Variants in FLRT2 observed in about 807,000 individuals in gnomAD.
The protein encoded by FLRT2 is leucine-rich repeat transmembrane protein FLRT2.
A neutral mutation model predicts 40.0 loss-of-function variants in FLRT2; 15 were observed. The observed-to-expected ratio is 0.38, with a 90% CI of 0.25 to 0.58. The LOEUF is 0.58. Ranked by LOEUF, FLRT2 falls within the 20% of genes least tolerant of loss-of-function variation. The pLI, the probability that FLRT2 is intolerant of heterozygous loss-of-function variation, is 0.71. For synonymous variants in FLRT2, 380 were observed against 336.8 expected, an observed-to-expected ratio of 1.13 and a Z score of -1.41; for missense variants, 726 against 840.0, an observed-to-expected ratio of 0.86 and a Z score of 1.68.
chr14:85,599,988 G>T (rs1023963365), intron 1 of FLRT2, among the ~76,000 whole-genome samples: 17 of 152,200 alleles, frequency 1.1e-4, no homozygotes, highest in African/African-American at 4.1e-4. Context: ...GATACCTTCA[G>T]AATATCATCT....
At chr14:85,604,497 T>A (rs1892522305) in intron 1 of FLRT2, among the ~76,000 whole-genome samples, 1 of 152,146 alleles carries the variant, frequency 6.6e-6, no homozygotes, top group South Asian at 2.1e-4. Context: ...ACAGTAGTAT[T>A]GTTCACTTTA....
In FLRT2 at chr14:85,649,359, A is replaced by G. The variant is rs1364530596; in HGVS notation, c.*25862A>G. On this transcript the variant is annotated 3_prime_UTR_variant, in exon 2 of 2. Transcript: ENST00000330753. ...GATGCTGTAACTCTTATTTGCATCC[A>G]TTGGTCTTTTGGTTTATGTGCTTTA... 6.6e-6 allele frequency: 1 copy of G among 152,124 alleles called. No individual in the cohort carries two copies. Among genetic ancestry groups the G allele is most frequent in the African/African-American group, 2.4e-5 (1 of 41,448 alleles). 9.4% of individuals were successfully genotyped at this position (152,124 alleles called of 1,614,324 possible). A position where few individuals can be genotyped will look rare whatever the true frequency, so the allele number is the denominator to read the frequency against.
At chr14:85,557,236 A>C (rs941402507) in intron 1 of FLRT2, among the ~76,000 whole-genome samples, 1 of 148,682 alleles carries the variant, frequency 6.7e-6, no homozygotes, top group African/African-American at 2.5e-5. Flanking sequence ...CTTAAAAAAC[A>C]TGACTAATTT....
intron 1 of FLRT2, among the ~76,000 whole-genome samples, chr14:85,598,089 C>T (rs1251772569): frequency 2.0e-5 from 3 of 152,204 alleles, no homozygotes; most frequent in Non-Finnish European, 4.4e-5. Context: ...CTAGTCACTT[C>T]ATATAGACAC....
chr14:85,641,563 C>G lies in FLRT2; in HGVS notation c.*18066C>G, dbSNP rs1049687913. On this transcript the variant is annotated 3_prime_UTR_variant, in exon 2 of 2. Coordinates refer to ENST00000330753, the MANE Select transcript of FLRT2 (RefSeq NM_013231.6). Reference sequence around the variant, plus strand: ...AGGACTACAGTAGTACGTCCTTGGACGCAACAGTTTAAGAGGTAGTTCCTG... The same window carrying G: ...AGGACTACAGTAGTACGTCCTTGGAGGCAACAGTTTAAGAGGTAGTTCCTG... 1 of 152,200 alleles carries G rather than the reference C, an allele frequency of 6.6e-6. No homozygotes were observed. Among genetic ancestry groups the G allele is most frequent in the East Asian group, 1.9e-4 (1 of 5,184 alleles). 9.4% of individuals were successfully genotyped at this position (152,200 alleles called of 1,614,324 possible). A position where few individuals can be genotyped will look rare whatever the true frequency, so the allele number is the denominator to read the frequency against.
intron 1 of FLRT2, among the ~76,000 whole-genome samples, chr14:85,600,072 G>A (rs1157497331): frequency 2.6e-5 from 4 of 152,160 alleles, no homozygotes; most frequent in Non-Finnish European, 5.9e-5. Flanking sequence ...CATTTATGGG[G>A]GTAGCTATAA....
chr14:85,617,304 A>G (rs1595090987), intron 1 of FLRT2, among the ~76,000 whole-genome samples: 3 of 152,234 alleles, frequency 2.0e-5, no homozygotes, highest in African/African-American at 7.2e-5. Flanking sequence ...AATCAGCATT[A>G]TTATGTTCTT....
Position 85,610,613 on chromosome 14 carries a change from G to C in FLRT2, c.-376-10526G>C, listed in dbSNP as rs73321556. 7.0e-3 allele frequency among the ~76,000 whole-genome samples: 1,068 copies of C among 152,242 alleles called. 15 individuals are homozygous for C. Among genetic ancestry groups the C allele is most frequent in the African/African-American group, 0.023 (973 of 41,542 alleles). Reference sequence around the variant, plus strand: ...CACACCAGTCTTTCAGTTCCTGCCAGAGCTAAGGCTCTCCCTTCCTTGTAT... The same window carrying C: ...CACACCAGTCTTTCAGTTCCTGCCACAGCTAAGGCTCTCCCTTCCTTGTAT... On this transcript the variant is annotated intron_variant, in intron 1 of 1. Transcript: ENST00000330753.
intron 1 of FLRT2, among the ~76,000 whole-genome samples, chr14:85,561,542 C>T (rs1256406359): frequency 6.6e-6 from 1 of 152,112 alleles, no homozygotes; most frequent in Non-Finnish European, 1.5e-5. Flanking sequence ...ATGAATTGTA[C>T]AGAACGAATG....
chr14:85,533,469 T>G (rs1483575378), intron 1 of FLRT2, among the ~76,000 whole-genome samples: 4 of 151,560 alleles, frequency 2.6e-5, no homozygotes, highest in African/African-American at 9.7e-5. Context: ...CACACACGCG[T>G]CGGAGGAGAG....
chr14:85,535,892 G>GTTTTTTTTT (rs71454768), intron 1 of FLRT2, among the ~76,000 whole-genome samples: 14 of 57,854 alleles, frequency 2.4e-4, no homozygotes, highest in East Asian at 1.3e-3. Context: ...AAGGAATGCT[G>GTTTTTTTTT]TTTTTTTTTT....
intron 1 of FLRT2, among the ~76,000 whole-genome samples, chr14:85,602,529 C>T (rs1052663240): frequency 6.6e-6 from 1 of 152,170 alleles, no homozygotes; most frequent in African/African-American, 2.4e-5. Context: ...TTGTTCAAAG[C>T]CAAGTGTGAG....
intron 1 of FLRT2, among the ~76,000 whole-genome samples, chr14:85,607,518 G>T (rs1402167662): frequency 6.6e-6 from 1 of 152,192 alleles, no homozygotes; most frequent in Non-Finnish European, 1.5e-5. Flanking sequence ...CTAGGGGTGG[G>T]ATCACAGCAC....
In FLRT2 at chr14:85,640,975, A is replaced by T. The variant is rs993581170; in HGVS notation, c.*17478A>T. ...CTTAAACTGTAGCCATAATTTCCTC[A>T]TAGATTTGGTATGAGTTAAAATGCA... is the stretch of plus-strand genomic sequence containing the variant. On this transcript the variant is annotated 3_prime_UTR_variant, in exon 2 of 2. Transcript: ENST00000330753. 5.9e-5 allele frequency: 9 copies of T among 152,150 alleles called. No homozygotes were observed. The highest frequency in any genetic ancestry group is 8.8e-5 in the Non-Finnish European group (6 of 68,026). The allele number at this position is 152,150 out of a possible 1,614,324, so 9.4% of individuals were successfully genotyped here.
rs1894167489 is a variant in FLRT2 at position 85,642,254 on chromosome 14, TTGAG to T, written c.*18762_*18765del. The T allele has an allele frequency of 6.6e-6, 1 of 152,062 alleles. No homozygotes were observed. Among genetic ancestry groups the T allele is most frequent in the Non-Finnish European group, 1.5e-5 (1 of 68,032 alleles). The allele number at this position is 152,062 out of a possible 1,614,324, so 9.4% of individuals were successfully genotyped here. On this transcript the variant is annotated 3_prime_UTR_variant, in exon 2 of 2. Transcript: ENST00000330753. Reference sequence around the variant, plus strand: ...GGTCTTCTCTGTGAAAATTAGGGCATTGAGTGAGAAATATCAGAAACCCAGAGCA... The same window carrying T: ...GGTCTTCTCTGTGAAAATTAGGGCATTGAGAAATATCAGAAACCCAGAGCA...
rs996509714 is a variant in FLRT2 at position 85,621,951 on chromosome 14, C to G, written c.437C>G (p.Ser146Cys). The G allele has an allele frequency of 1.9e-6, 3 of 1,601,354 alleles. No homozygotes were observed. Among genetic ancestry groups the G allele is most frequent in the Non-Finnish European group, 2.6e-6 (3 of 1,173,718 alleles). ...CTGCACCTGGATGACAACTCCATAT[C>G]CACAGTGGGGGTGGAAGACGGGGCC... ...EELHLDDNSISTVGVEDGAFR... is the reference protein window; with the variant it reads ...EELHLDDNSICTVGVEDGAFR... Residue 146 changes from serine (S) to cysteine (C), a missense_variant, in exon 2 of 2, where the codon TCC becomes TGC. Ser to Cys is a moderately radical substitution (Grantham distance 112, BLOSUM62 -1). This residue lies in a region of FLRT2 where 611 missense variants were observed against 690.0 expected (regional missense o/e 0.89). Coordinates refer to ENST00000330753, the MANE Select transcript of FLRT2 (RefSeq NM_013231.6).
rs907559090 is a variant in FLRT2, at chr14:85,651,444, G to T, written c.*27947G>T. 3 of 151,876 alleles carry T rather than the reference G, an allele frequency of 2.0e-5. No homozygotes were observed. The highest frequency in any genetic ancestry group is 2.0e-4 in the Admixed American group (3 of 15,242). The allele number at this position is 151,876 out of a possible 1,614,324, so 9.4% of individuals were successfully genotyped here. On this transcript the variant is annotated 3_prime_UTR_variant, in exon 2 of 2. Transcript: ENST00000330753. The stretch of plus-strand genomic sequence containing the variant: ...CTCTCATCACATTTTGTTTTTGTTT[G>T]TTTGTGCTGTGAATTATTGAGATAA...
intron 1 of FLRT2, among the ~76,000 whole-genome samples, chr14:85,553,136 A>G (rs771199374): frequency 1.4e-4 from 21 of 152,230 alleles, no homozygotes; most frequent in Non-Finnish European, 2.4e-4. Context: ...GATTCTGTGA[A>G]TATCTGCATT....
intron 1 of FLRT2, among the ~76,000 whole-genome samples, chr14:85,591,113 C>A (rs1322682204): frequency 6.6e-6 from 1 of 152,146 alleles, no homozygotes; most frequent in Non-Finnish European, 1.5e-5. Context: ...AACTGCAAAA[C>A]TCTTTGAAAG....
Sources: gnomAD v4.1 joint callset for allele counts (sites outside exome capture counted in the v4.1 genomes callset) on GRCh38, gnomAD v4.1.1 for gene constraint, gnomAD v4.1.1 regional missense constraint, MANE v1.5 for transcripts, NCBI Gene and HGNC (gene_info 2026-07-23, HGNC 2026-07-21) for gene names.